The following STX8 variants were observed in gnomAD, a reference collection of about 807,000 sequenced individuals.
STX8 encodes the protein syntaxin-8.
STX8 carries 23 observed loss-of-function variants against 37.5 expected under a neutral mutation model. That is an observed-to-expected ratio of 0.61 (90% CI 0.44 to 0.87). The LOEUF (loss-of-function observed/expected upper bound fraction) is 0.87, where lower values mean the gene tolerates loss of function less well. STX8 is among the 40% of genes least tolerant of loss of function. STX8 has a pLI of 0.00. For synonymous variants in STX8, 115 were observed against 99.1 expected, an observed-to-expected ratio of 1.16 and a Z score of -0.95; for missense variants, 313 against 284.7, an observed-to-expected ratio of 1.10 and a Z score of -0.71.
chr17:9,563,128 G>A (rs1327074035), intron 2 of STX8, among the ~76,000 whole-genome samples: 1 of 151,484 alleles, frequency 6.6e-6, no homozygotes, highest in African/African-American at 2.4e-5. Context: ...ATACAAAAGA[G>A]TATCTGTCAT....
intron 6 of STX8, among the ~76,000 whole-genome samples, chr17:9,399,087 C>T (rs1266317475): frequency 6.7e-6 from 1 of 149,704 alleles, no homozygotes; most frequent in Non-Finnish European, 1.5e-5. Context: ...CAAGACAGTA[C>T]AGTATTCACA....
chr17:9,415,139 T>C (rs745804833), intron 6 of STX8, among the ~76,000 whole-genome samples: 9 of 152,082 alleles, frequency 5.9e-5, no homozygotes, highest in South Asian at 4.1e-4. Context: ...GGAAGGACAA[T>C]AGGCCTCAAC....
intron 3 of STX8, among the ~76,000 whole-genome samples, chr17:9,555,895 CAA>C (rs1002394213): frequency 1.2e-4 from 11 of 92,068 alleles, no homozygotes; most frequent in Admixed American, 2.5e-4. Flanking sequence ...GACTCCGTCT[CAA>C]AAAAAAAAAA....
In STX8 at chr17:9,438,732, T is replaced by C. The variant is rs150385710; in HGVS notation, c.541+53097A>G. On this transcript the variant is annotated intron_variant, in intron 6 of 7. Transcript: ENST00000306357. ...TCACAAGGTCAGGAGATCGAGACCA[T>C]CCTGGCTAACACGGTGAAACCCCCG... is the stretch of plus-strand genomic sequence containing the variant. Among the ~76,000 whole-genome samples the C allele has an allele frequency of 3.0e-3, 456 of 151,984 alleles. 3 individuals carry two copies. Among genetic ancestry groups the C allele is most frequent in the African/African-American group, 0.01 (423 of 41,444 alleles).
At chr17:9,529,899 G>T (rs1462279796) in intron 4 of STX8, among the ~76,000 whole-genome samples, 2 of 152,142 alleles carry the variant, frequency 1.3e-5, no homozygotes, top group African/African-American at 4.8e-5. Flanking sequence ...AGAATCGCGT[G>T]AGCCCAGGAC....
At chr17:9,281,501 T>C (rs1351403236) in intron 7 of STX8, among the ~76,000 whole-genome samples, 1 of 147,384 alleles carries the variant, frequency 6.8e-6, no homozygotes, top group Non-Finnish European at 1.5e-5. Context: ...TTTCTTCCAC[T>C]GGGATTACAG....
intron 7 of STX8, among the ~76,000 whole-genome samples, chr17:9,372,858 C>T (rs1257222792): frequency 7.0e-6 from 1 of 143,776 alleles, no homozygotes; most frequent in Non-Finnish European, 1.5e-5. Flanking sequence ...AATCCCAAAA[C>T]TTTGGTAGGC....
intron 7 of STX8, among the ~76,000 whole-genome samples, chr17:9,355,352 T>C (rs1910841580): frequency 6.7e-6 from 1 of 149,134 alleles, no homozygotes; most frequent in Admixed American, 6.7e-5. Flanking sequence ...TTTTTTTTTT[T>C]GAGACATGGT....
chr17:9,376,303 C>G lies in STX8; in HGVS notation c.643+2249G>C, dbSNP rs377576947. Among the ~76,000 whole-genome samples, 4 of 151,978 alleles carry G rather than the reference C, an allele frequency of 2.6e-5. No individual in the cohort carries two copies. The East Asian group carries it at 7.7e-4, about 29-fold the overall frequency. On this transcript the variant is annotated intron_variant, in intron 7 of 7. Coordinates refer to ENST00000306357, the MANE Select transcript of STX8 (RefSeq NM_004853.3). The stretch of plus-strand genomic sequence containing the variant: ...TCTAGACAAAGGTTTATAAACACAC[C>G]AACCAGCATGCTGTAAAACACACCA...
At chr17:9,259,861 T>C (rs940290654) in intron 7 of STX8, among the ~76,000 whole-genome samples, 1 of 152,068 alleles carries the variant, frequency 6.6e-6, no homozygotes, top group Non-Finnish European at 1.5e-5. Flanking sequence ...CAGGGGCCCC[T>C]AGGGGAGCCT....
At chr17:9,405,155 G>A (rs935363197) in intron 6 of STX8, among the ~76,000 whole-genome samples, 2 of 152,120 alleles carry the variant, frequency 1.3e-5, no homozygotes, top group Non-Finnish European at 2.9e-5. Flanking sequence ...CATCTTCAAT[G>A]GTGTCATTAT....
intron 6 of STX8, among the ~76,000 whole-genome samples, chr17:9,400,743 C>T (rs1408533328): frequency 6.6e-6 from 1 of 152,142 alleles, no homozygotes; most frequent in African/African-American, 2.4e-5. Flanking sequence ...TAAAGTAAAA[C>T]TATGTTATTT....
intron 7 of STX8, among the ~76,000 whole-genome samples, chr17:9,314,365 G>C (rs1465997758): frequency 6.6e-6 from 1 of 152,068 alleles, no homozygotes; most frequent in Non-Finnish European, 1.5e-5. Context: ...ATTAGATCAT[G>C]AGATTGGGAA....
intron 7 of STX8, among the ~76,000 whole-genome samples, chr17:9,272,682 C>T (rs548289884): frequency 6.6e-6 from 1 of 152,216 alleles, no homozygotes; most frequent in Non-Finnish European, 1.5e-5. Flanking sequence ...GGAAATGAGA[C>T]AGAGAATGTC....
chr17:9,271,851 A>C (rs1041365300), intron 7 of STX8, among the ~76,000 whole-genome samples: 1 of 152,164 alleles, frequency 6.6e-6, no homozygotes, highest in Non-Finnish European at 1.5e-5. Flanking sequence ...GTGCTGAAGA[A>C]ATTCTTCACA....
At chr17:9,328,779 G>A (rs1909862561) in intron 7 of STX8, among the ~76,000 whole-genome samples, 2 of 152,128 alleles carry the variant, frequency 1.3e-5, no homozygotes, top group Non-Finnish European at 2.9e-5. Flanking sequence ...GCCGGATGCG[G>A]TGGCTCACGC....
chr17:9,468,998 A>G (rs1444727524), intron 6 of STX8: 2 of 152,232 alleles, frequency 1.3e-5, no homozygotes, highest in Non-Finnish European at 2.9e-5. Flanking sequence ...CAATGCCTCT[A>G]TGGAGAAGAA....
rs1004434084 is a variant in STX8 at position 9,314,130 on chromosome 17, AG to A, written c.644-63486del. Among the ~76,000 whole-genome samples, 106 of 152,288 alleles carry A rather than the reference AG, an allele frequency of 7.0e-4. 1 individual carries two copies. The highest frequency in any genetic ancestry group is 2.2e-3 in the African/African-American group (92 of 41,566). ...CTACTGACTTCTGTATTTTTTTCCC[AG>A]CAACCAGTGTAACTCCTTGCTCTCT... On this transcript the variant is annotated intron_variant, in intron 7 of 7. Coordinates refer to ENST00000306357, the MANE Select transcript of STX8 (RefSeq NM_004853.3).
At chr17:9,456,023 T>C (rs935696816) in intron 6 of STX8, among the ~76,000 whole-genome samples, 3 of 152,132 alleles carry the variant, frequency 2.0e-5, no homozygotes, top group African/African-American at 2.4e-5. Flanking sequence ...CCTCCCTCCC[T>C]AACCTGACGA....
Sources: allele counts gnomAD v4.1 joint callset (sites outside exome capture counted in the v4.1 genomes callset), GRCh38; gene constraint gnomAD v4.1.1; transcripts MANE v1.5; gene names NCBI Gene and HGNC (gene_info 2026-07-23, HGNC 2026-07-21).